Variants in CACNA2D3 observed in about 807,000 individuals in gnomAD.
CACNA2D3 encodes calcium voltage-gated channel auxiliary subunit alpha2delta 3.
CACNA2D3 carries 60 observed loss-of-function variants against 160.6 expected under a neutral mutation model. That is an observed-to-expected ratio of 0.37 (90% CI 0.30 to 0.46). CACNA2D3 has a LOEUF of 0.46. Among genes scored for constraint, CACNA2D3 ranks in the 20% least tolerant of loss-of-function variants. CACNA2D3 has a pLI of 1.00. For missense variants in CACNA2D3, 1,205 were observed against 1,365.0 expected, an observed-to-expected ratio of 0.88 and a Z score of 1.85; for synonymous variants, 558 against 492.9, an observed-to-expected ratio of 1.13 and a Z score of -1.75.
intron 11 of CACNA2D3, among the ~76,000 whole-genome samples, chr3:54,696,851 C>T (rs952209627): frequency 1.6e-4 from 24 of 152,306 alleles, no homozygotes; most frequent in Admixed American, 1.5e-3. Flanking sequence ...TCTCTTGACT[C>T]TTACAAGTCC....
At chr3:54,918,776 A>T in intron 27 of CACNA2D3, 1 of 1,614,156 alleles carries the variant, frequency 6.2e-7, no homozygotes, top group Non-Finnish European at 8.5e-7. Context: ...GCCTGCGAGG[A>T]CACTGGATCA....
At chr3:54,450,845 C>G (rs539551744) in intron 4 of CACNA2D3, among the ~76,000 whole-genome samples, 182 of 152,232 alleles carry the variant, frequency 1.2e-3, no homozygotes, top group African/African-American at 4.2e-3. Context: ...CTCATTTATT[C>G]AGGTGTCAGG....
intron 9 of CACNA2D3, among the ~76,000 whole-genome samples, chr3:54,603,814 G>C (rs1036715429): frequency 1.3e-5 from 2 of 151,996 alleles, no homozygotes; most frequent in Non-Finnish European, 2.9e-5. Flanking sequence ...TTGTGACAAA[G>C]AACCAACTCT....
At chr3:54,815,183 C>T (rs1453996995) in intron 13 of CACNA2D3, among the ~76,000 whole-genome samples, 2 of 152,110 alleles carry the variant, frequency 1.3e-5, no homozygotes, top group African/African-American at 4.8e-5. Flanking sequence ...TGAATAGTTC[C>T]AGCCATAAGT....
At chr3:54,253,448 G>C (rs893581023) in intron 2 of CACNA2D3, among the ~76,000 whole-genome samples, 2 of 152,060 alleles carry the variant, frequency 1.3e-5, no homozygotes, top group African/African-American at 4.8e-5. Context: ...AGAGAGTGAA[G>C]GGGGAGGTGC....
intron 14 of CACNA2D3, among the ~76,000 whole-genome samples, chr3:54,819,565 G>A (rs954333322): frequency 3.3e-5 from 5 of 152,136 alleles, no homozygotes; most frequent in African/African-American, 1.2e-4. Flanking sequence ...TCTGTTGTTG[G>A]GCCAGGCATG....
chr3:54,446,159 T>C (rs1231427608), intron 4 of CACNA2D3, among the ~76,000 whole-genome samples: 1 of 152,222 alleles, frequency 6.6e-6, no homozygotes, highest in Admixed American at 6.5e-5. Flanking sequence ...TAACCTGTAC[T>C]TTTACAAGAG....
chr3:54,282,309 A>G (rs1483752963), intron 2 of CACNA2D3, among the ~76,000 whole-genome samples: 1 of 152,348 alleles, frequency 6.6e-6, no homozygotes, highest in East Asian at 1.9e-4. Context: ...ATAGGTATAG[A>G]GATGCTTTGG....
intron 2 of CACNA2D3, among the ~76,000 whole-genome samples, chr3:54,255,965 G>A (rs1034578279): frequency 6.6e-6 from 1 of 152,108 alleles, no homozygotes; most frequent in Admixed American, 6.6e-5. Context: ...GTCAGAGTTG[G>A]GGTGGGCAAT....
chr3:54,938,933 A>T (rs527568591), intron 27 of CACNA2D3, among the ~76,000 whole-genome samples: 15 of 152,288 alleles, frequency 9.8e-5, no homozygotes, highest in African/African-American at 3.6e-4. Flanking sequence ...GAGCATGTGC[A>T]TTGGCCTGCA....
chr3:54,521,618 G>T (rs1272952842), intron 5 of CACNA2D3, among the ~76,000 whole-genome samples: 3 of 152,112 alleles, frequency 2.0e-5, no homozygotes, highest in Admixed American at 1.3e-4. Flanking sequence ...AGAATCTGTT[G>T]CCAAAGCTAA....
chr3:54,633,973 T>G (rs575309904), intron 10 of CACNA2D3, among the ~76,000 whole-genome samples: 5 of 152,306 alleles, frequency 3.3e-5, no homozygotes, highest in African/African-American at 1.2e-4. Flanking sequence ...TTGGCTTTGC[T>G]GTGTCTCAGT....
chr3:54,246,531 A>G (rs904558980), intron 2 of CACNA2D3, among the ~76,000 whole-genome samples: 1 of 151,822 alleles, frequency 6.6e-6, no homozygotes, highest in Non-Finnish European at 1.5e-5. Context: ...CATCTCTACT[A>G]AAAATACAAA....
At chr3:54,508,560 A>G (rs532006975) in intron 5 of CACNA2D3, among the ~76,000 whole-genome samples, 6 of 152,244 alleles carry the variant, frequency 3.9e-5, no homozygotes, top group African/African-American at 1.4e-4. Flanking sequence ...AATATAGATT[A>G]CAATCAAAAC....
chr3:54,249,662 TACACACACACACACACACACACAC>T (rs10656572), intron 2 of CACNA2D3, among the ~76,000 whole-genome samples: 40 of 132,920 alleles, frequency 3.0e-4, no homozygotes, highest in Admixed American at 6.1e-4. Context: ...TCTGTTTACG[TACACACACACACACACACACACAC>T]ACACACACAC....
intron 4 of CACNA2D3, among the ~76,000 whole-genome samples, chr3:54,417,046 C>T (rs973301504): frequency 2.6e-5 from 4 of 152,152 alleles, no homozygotes; most frequent in African/African-American, 7.2e-5. Context: ...CAGGTAGGAA[C>T]TCAGAGGGAG....
At chr3:54,567,789 C>T (rs2106715874) in intron 6 of CACNA2D3, among the ~76,000 whole-genome samples, 1 of 152,276 alleles carries the variant, frequency 6.6e-6, no homozygotes, top group South Asian at 2.1e-4. Context: ...CTTGGCCTCC[C>T]AAAGTGTTGG....
At chr3:54,535,298 T>C (rs939563784) in intron 5 of CACNA2D3, among the ~76,000 whole-genome samples, 4 of 152,270 alleles carry the variant, frequency 2.6e-5, no homozygotes, top group Admixed American at 6.5e-5. Flanking sequence ...TGATGCATTT[T>C]AAAATTTAGG....
At chr3:54,910,014 A>G (rs1700524055) in intron 27 of CACNA2D3, among the ~76,000 whole-genome samples, 2 of 152,134 alleles carry the variant, frequency 1.3e-5, no homozygotes, top group Admixed American at 6.5e-5. Flanking sequence ...GTGCTGATCA[A>G]AGGCTTTTTA....
Sources: gnomAD v4.1 joint callset for allele counts (sites outside exome capture counted in the v4.1 genomes callset) on GRCh38, gnomAD v4.1.1 for gene constraint, MANE v1.5 for transcripts, NCBI Gene and HGNC (gene_info 2026-07-23, HGNC 2026-07-21) for gene names.